Variants in STAC observed in about 807,000 individuals in gnomAD.
The protein encoded by STAC is SH3 and cysteine-rich domain-containing protein.
Under a neutral mutation model 48.8 loss-of-function variants are expected in STAC, and 43 were observed. The observed-to-expected ratio is 0.88, with a 90% confidence interval of 0.69 to 1.14. The LOEUF is 1.14. STAC is among the 50% of genes most tolerant of loss of function. The probability of loss-of-function intolerance (pLI) is 0.00; values close to 1 mark genes in which losing one functional copy is unlikely to be tolerated. For missense variants in STAC, 497 were observed against 504.0 expected (o/e 0.99, Z 0.13); for synonymous variants, 193 against 179.5 (o/e 1.07, Z -0.60).
rs367869217 is a variant in STAC at position 36,489,513 on chromosome 3, C to T, written c.687+3264C>T. ...GGCACCCACCTCTTCCCTGGTGCCC[C>T]GGAGCATCCAGTTCATTAATCCATT... On this transcript the variant is annotated intron_variant, in intron 5 of 10. Coordinates refer to ENST00000273183, the MANE Select transcript of STAC (RefSeq NM_003149.3). 2.3e-4 allele frequency among the ~76,000 whole-genome samples: 35 copies of T among 152,302 alleles called. No homozygotes were observed. The South Asian group carries it at 3.9e-3, about 17-fold the overall frequency.
intron 10 of STAC, among the ~76,000 whole-genome samples, chr3:36,539,687 G>A (rs1699278700): frequency 6.6e-6 from 1 of 152,026 alleles, no homozygotes; most frequent in African/African-American, 2.4e-5. Context: ...GTGTCTCATT[G>A]CATCATCTCT....
chr3:36,448,189 CTTTATTTTACTTTAT>C (rs1237650591), intron 2 of STAC, among the ~76,000 whole-genome samples: 3 of 68,738 alleles, frequency 4.4e-5, no homozygotes, highest in Non-Finnish European at 7.2e-5. Context: ...TTTTATTTTA[CTTTATTTTACTTTAT>C]TTTATTTTAC....
intron 8 of STAC, among the ~76,000 whole-genome samples, chr3:36,522,710 A>G (rs75473319): frequency 1.6e-3 from 251 of 152,322 alleles, no homozygotes; most frequent in African/African-American, 5.7e-3. Context: ...AAGTAGGGCC[A>G]ATCTGAGGTC....
chr3:36,410,152 A>T (rs1405000311), intron 1 of STAC, among the ~76,000 whole-genome samples: 1 of 152,182 alleles, frequency 6.6e-6, no homozygotes, highest in Non-Finnish European at 1.5e-5. Flanking sequence ...TTACAAAGGC[A>T]GGTGAGACAG....
intron 1 of STAC, among the ~76,000 whole-genome samples, chr3:36,405,828 T>C (rs954113047): frequency 2.6e-5 from 4 of 152,192 alleles, no homozygotes; most frequent in Non-Finnish European, 5.9e-5. Flanking sequence ...CTCAAGCAAT[T>C]ACTGCTTCAG....
At chr3:36,487,618 G>A (rs956652926) in intron 5 of STAC, among the ~76,000 whole-genome samples, 4 of 152,078 alleles carry the variant, frequency 2.6e-5, no homozygotes, top group Non-Finnish European at 5.9e-5. Flanking sequence ...AACCAATAGC[G>A]AAGAAATTTG....
Position 36,421,287 on chromosome 3 carries a change from G to A in STAC, c.112-22077G>A, listed in dbSNP as rs188105527. 8.5e-5 allele frequency among the ~76,000 whole-genome samples: 13 copies of A among 152,186 alleles called. No homozygotes were observed. In the East Asian group the frequency reaches 2.5e-3, roughly 29 times the overall value. On this transcript the variant is annotated intron_variant, in intron 1 of 10. Transcript: ENST00000273183. ...TGCCTCCATATGTCTACATTCATGT[G>A]AAGAATATGAACTTATTTAATTGTA...
At chr3:36,473,371 T>C (rs977268641) in intron 2 of STAC, among the ~76,000 whole-genome samples, 4 of 152,208 alleles carry the variant, frequency 2.6e-5, no homozygotes, top group Non-Finnish European at 5.9e-5. Context: ...GTTAGCTATG[T>C]GCAGTTCAGC....
rs746690171 is a variant in STAC at position 36,528,867 on chromosome 3, T to C, written c.992T>C (p.Ile331Thr). 9.9e-6 allele frequency: 16 copies of C among 1,613,456 alleles called. No individual in the cohort carries two copies. The highest frequency in any genetic ancestry group is 1.7e-5 in the Admixed American group (1 of 59,962). ...DWWKGKIQDRIGFFPANFVQR... is the reference protein window; with the variant it reads ...DWWKGKIQDRTGFFPANFVQR... ...TTTCAGGGGAAAATTCAAGACAGAA[T>C]TGGCTTCTTTCCAGCCAACTTTGTT... is the stretch of plus-strand genomic sequence containing the variant. Residue 331 changes from isoleucine to threonine, a missense_variant, in exon 10 of 11, where the codon ATT becomes ACT. Ile to Thr is a moderately conservative substitution (Grantham distance 89). Transcript: ENST00000273183.
chr3:36,409,362 G>A (rs952046795), intron 1 of STAC: 1 of 152,184 alleles, frequency 6.6e-6, no homozygotes, highest in Non-Finnish European at 1.5e-5. Context: ...TAACAAGGTT[G>A]TAAGGAGGTA....
At chr3:36,434,735 G>A (rs1700789128) in intron 1 of STAC, among the ~76,000 whole-genome samples, 1 of 152,194 alleles carries the variant, frequency 6.6e-6, no homozygotes, top group Admixed American at 6.5e-5. Context: ...TTAACTTGAT[G>A]TGCCGCTGTG....
chr3:36,398,320 CAAGA>C (rs71288102), intron 1 of STAC, among the ~76,000 whole-genome samples: 7,040 of 82,022 alleles, frequency 0.086, 359 homozygotes, highest in East Asian at 0.1. Context: ...AGAAAGAAAG[CAAGA>C]AAGAAAGAAA....
At chr3:36,381,519 T>TG (rs1163967473) in intron 1 of STAC, among the ~76,000 whole-genome samples, 4 of 152,210 alleles carry the variant, frequency 2.6e-5, no homozygotes, top group Non-Finnish European at 4.4e-5. Flanking sequence ...AATCCTAAGA[T>TG]GGAGTTTGTA....
At chr3:36,483,173 A>C in intron 3 of STAC, 81 bp downstream of exon 3, 3 of 1,088,912 alleles carry the variant, frequency 2.8e-6, no homozygotes, top group Non-Finnish European at 4.1e-6. Flanking sequence ...CCCCTCCAAA[A>C]TCCTTCCCTG....
intron 1 of STAC, among the ~76,000 whole-genome samples, chr3:36,411,640 T>C (rs1410843839): frequency 6.6e-6 from 1 of 152,210 alleles, no homozygotes; most frequent in Non-Finnish European, 1.5e-5. Context: ...GAGAGACTGT[T>C]CTTCCATGAT....
At chr3:36,447,283 T>TGTCATTGG (rs1280138019) in intron 2 of STAC, among the ~76,000 whole-genome samples, 1 of 152,098 alleles carries the variant, frequency 6.6e-6, no homozygotes, top group Non-Finnish European at 1.5e-5. Context: ...AAGGGGGGCA[T>TGTCATTGG]CTGTGAGTCA....
At chr3:36,515,007 C>A (rs991207665) in intron 8 of STAC, among the ~76,000 whole-genome samples, 6 of 151,798 alleles carry the variant, frequency 4.0e-5, no homozygotes, top group Non-Finnish European at 7.4e-5. Flanking sequence ...CATTGCCCTC[C>A]AGCCTGGGTG....
At chr3:36,501,071 G>A (rs903984256) in intron 6 of STAC, among the ~76,000 whole-genome samples, 3 of 152,142 alleles carry the variant, frequency 2.0e-5, no homozygotes, top group Admixed American at 6.6e-5. Flanking sequence ...CAGCCTGGGC[G>A]ACAGAACAAG....
At position 36,547,807 on chromosome 3, in the gene STAC, G is replaced by A. The variant is rs1306093908; in HGVS notation, c.*1518G>A. 6.6e-6 allele frequency: 1 copy of A among 152,160 alleles called. No homozygotes were observed. Among genetic ancestry groups the A allele is most frequent in the East Asian group, 1.9e-4 (1 of 5,182 alleles). 9.4% of individuals were successfully genotyped at this position (152,160 alleles called of 1,614,324 possible). A position where few individuals can be genotyped will look rare whatever the true frequency, so the allele number is the denominator to read the frequency against. On this transcript the variant is annotated 3_prime_UTR_variant, in exon 11 of 11. Coordinates refer to ENST00000273183, the MANE Select transcript of STAC (RefSeq NM_003149.3). ...TTGGATGCCTTACTCTTATCTTAAA[G>A]CCAGCATCCAGAATTTCCTCCCTCT...
Sources: allele counts gnomAD v4.1 joint callset (sites outside exome capture counted in the v4.1 genomes callset), GRCh38; gene constraint gnomAD v4.1.1; transcripts MANE v1.5; gene names NCBI Gene and HGNC (gene_info 2026-07-23, HGNC 2026-07-21).